The following PRKN variants were observed in gnomAD, a reference collection of about 807,000 sequenced individuals.
The protein encoded by PRKN is parkin RBR E3 ubiquitin protein ligase.
Under a neutral mutation model 59.5 loss-of-function variants are expected in PRKN, and 56 were observed. The ratio of observed to expected loss-of-function variants is 0.94; its 90% confidence interval spans 0.76 to 1.18. The LOEUF is 1.18. Ranked by LOEUF, PRKN falls within the 50% of genes most tolerant of loss-of-function variation. PRKN has a pLI of 0.00. For missense variants in PRKN, 657 were observed against 596.4 expected, an observed-to-expected ratio of 1.10 and a Z score of -1.06; for synonymous variants, 250 against 222.1, an observed-to-expected ratio of 1.13 and a Z score of -1.12.
chr6:162,617,553 G>A (rs959823593), intron 1 of PRKN, among the ~76,000 whole-genome samples: 1 of 145,798 alleles, frequency 6.9e-6, no homozygotes, highest in Non-Finnish European at 1.5e-5. Context: ...TATTAACTAT[G>A]ATCAGCATCC....
intron 6 of PRKN, among the ~76,000 whole-genome samples, chr6:161,929,865 A>G (rs1779108489): frequency 6.6e-6 from 1 of 152,242 alleles, no homozygotes; most frequent in Non-Finnish European, 1.5e-5. Flanking sequence ...TATGAAGCCC[A>G]AGAATAATGT....
intron 1 of PRKN, among the ~76,000 whole-genome samples, chr6:162,531,099 G>A (rs1010573427): frequency 1.1e-4 from 17 of 151,320 alleles, no homozygotes; most frequent in African/African-American, 3.4e-4. Flanking sequence ...AGGCGTGGTG[G>A]TTCACGCCTG....
intron 7 of PRKN, among the ~76,000 whole-genome samples, chr6:161,656,664 C>A (rs893940264): frequency 2.5e-4 from 38 of 152,186 alleles, no homozygotes; most frequent in Admixed American, 2.0e-4. Context: ...CATTTGAATT[C>A]CAGATCCTGA....
intron 1 of PRKN, 49 bp from the exon 2 acceptor site, chr6:162,443,522 GC>G: frequency 6.4e-7 from 1 of 1,558,558 alleles, no homozygotes. Flanking sequence ...ATCACTCGAA[GC>G]CCTTAAATGG....
intron 1 of PRKN, among the ~76,000 whole-genome samples, chr6:162,609,982 C>A (rs564377801): frequency 1.3e-5 from 2 of 152,138 alleles, no homozygotes; most frequent in Non-Finnish European, 2.9e-5. Context: ...ATTTAAATTG[C>A]ATTTTCCATA....
intron 4 of PRKN, among the ~76,000 whole-genome samples, chr6:162,191,890 G>A (rs1020420657): frequency 1.3e-5 from 2 of 152,162 alleles, no homozygotes; most frequent in African/African-American, 2.4e-5. Flanking sequence ...CAGTGTGTGA[G>A]TCAACAAGAA....
rs186928887 is a variant in PRKN, at chr6:162,215,499, C to T, written c.413-14247G>A. Among the ~76,000 whole-genome samples the T allele has an allele frequency of 4.6e-5, 7 of 152,240 alleles. No homozygotes were observed. In the East Asian group the frequency reaches 1.4e-3, roughly 29 times the overall value. ...GGATTCTAAACTAAATGTTTCTCAGCTTCTGTTATCTGGTGATACTAAATG... is the reference window on the plus strand; with the variant it reads ...GGATTCTAAACTAAATGTTTCTCAGTTTCTGTTATCTGGTGATACTAAATG... On this transcript the variant is annotated intron_variant, in intron 3 of 11. Coordinates refer to ENST00000366898, the MANE Select transcript of PRKN (RefSeq NM_004562.3).
rs1342196620 is a variant in PRKN, at chr6:162,582,058, TAGTCA to T, written c.8-138590_8-138586del. ...TCCAAATGCAGAGTGCTAACCACTA[TAGTCA>T]AGTCATTTAAATTCCCTGTGGTTAA... is the stretch of plus-strand genomic sequence containing the variant. On this transcript the variant is annotated intron_variant, in intron 1 of 11. Coordinates refer to ENST00000366898, the MANE Select transcript of PRKN (RefSeq NM_004562.3). Among the ~76,000 whole-genome samples the T allele has an allele frequency of 5.9e-5, 9 of 152,330 alleles. 1 individual carries two copies. In the South Asian group the frequency reaches 1.7e-3, roughly 28 times the overall value.
chr6:162,270,381 G>A (rs1780319937), intron 2 of PRKN: 1 of 152,182 alleles, frequency 6.6e-6, no homozygotes. Flanking sequence ...TGGGAGGGGA[G>A]TGAGGGATAA....
chr6:161,848,377 T>C (rs545807040), intron 6 of PRKN, among the ~76,000 whole-genome samples: 19 of 152,350 alleles, frequency 1.2e-4, no homozygotes, highest in South Asian at 1.2e-3. Flanking sequence ...TCTACCTTCA[T>C]GTATTATCAT....
At chr6:162,459,777 C>T (rs1159292580) in intron 1 of PRKN, among the ~76,000 whole-genome samples, 3 of 152,086 alleles carry the variant, frequency 2.0e-5, no homozygotes, top group African/African-American at 7.2e-5. Flanking sequence ...AAAAAGTAGC[C>T]GCATTTTCAA....
chr6:162,314,612 T>C (rs1280154392), intron 2 of PRKN, among the ~76,000 whole-genome samples: 1 of 152,158 alleles, frequency 6.6e-6, no homozygotes, highest in African/African-American at 2.4e-5. Flanking sequence ...CTTACTCCCC[T>C]GACTGTCCTC....
At chr6:162,141,914 T>C (rs946013086) in intron 4 of PRKN, among the ~76,000 whole-genome samples, 2 of 152,172 alleles carry the variant, frequency 1.3e-5, no homozygotes, top group Non-Finnish European at 2.9e-5. Flanking sequence ...GTTCTGAAAA[T>C]AGCGCACTCA....
chr6:161,448,953 T>C lies in PRKN; in HGVS notation c.1084-62076A>G, dbSNP rs2115114875. Among the ~76,000 whole-genome samples, 1 of 152,132 alleles carries C rather than the reference T, an allele frequency of 6.6e-6. No individual in the cohort carries two copies. On this transcript the variant is annotated intron_variant, in intron 9 of 11. Transcript: ENST00000366898. This position sits in a 1 kb window ranked among gnomAD's most constrained non-coding sequence, Gnocchi z 5.1. ...TCTCCCCAAGGTCACATTAAAAAGG[T>C]GGTGCATCTGAGATGGTGACTGCTC...
At chr6:161,617,436 G>A (rs1425805223) in intron 7 of PRKN, among the ~76,000 whole-genome samples, 1 of 152,130 alleles carries the variant, frequency 6.6e-6, no homozygotes, top group African/African-American at 2.4e-5. Flanking sequence ...TACTGCATTG[G>A]CAAATCAGGA....
intron 2 of PRKN, among the ~76,000 whole-genome samples, chr6:162,344,863 G>A (rs1330306881): frequency 6.6e-6 from 1 of 152,200 alleles, no homozygotes; most frequent in Non-Finnish European, 1.5e-5. Flanking sequence ...TTGGGTTGAA[G>A]CAGTTGCTCA....
chr6:162,294,074 G>T (rs1211822818), intron 2 of PRKN, among the ~76,000 whole-genome samples: 5 of 151,696 alleles, frequency 3.3e-5, no homozygotes, highest in African/African-American at 1.2e-4. Context: ...CAGCAGGAGA[G>T]ATCAGAAGGG....
At chr6:161,854,247 T>G (rs894495132) in intron 6 of PRKN, among the ~76,000 whole-genome samples, 5 of 151,376 alleles carry the variant, frequency 3.3e-5, no homozygotes, top group African/African-American at 1.2e-4. Flanking sequence ...AGAGCAAGAT[T>G]CCATATCAAA....
Position 162,685,709 on chromosome 6 carries a change from A to G in PRKN, c.7+41953T>C, listed in dbSNP as rs140215725. Among the ~76,000 whole-genome samples, 111 of 152,316 alleles carry G rather than the reference A, an allele frequency of 7.3e-4. 1 individual carries two copies. The highest frequency in any genetic ancestry group is 7.0e-3 in the East Asian group (36 of 5,178). ...CGTATGCTCACCACTACCAAAATCTATATTTCTAGCTATGTTCTTTCCTGA... is the reference window on the plus strand; with the variant it reads ...CGTATGCTCACCACTACCAAAATCTGTATTTCTAGCTATGTTCTTTCCTGA... On this transcript the variant is annotated intron_variant, in intron 1 of 11. Coordinates refer to ENST00000366898, the MANE Select transcript of PRKN (RefSeq NM_004562.3).
Sources: gnomAD v4.1 joint callset for allele counts (sites outside exome capture counted in the v4.1 genomes callset) on GRCh38, gnomAD v4.1.1 for gene constraint, Gnocchi (gnomAD v3.1) non-coding constraint, MANE v1.5 for transcripts, NCBI Gene and HGNC (gene_info 2026-07-23, HGNC 2026-07-21) for gene names.